The following VCPKMT variants were observed in gnomAD, a reference collection of about 807,000 sequenced individuals.
VCPKMT encodes valosin containing protein lysine methyltransferase.
VCPKMT carries 32 observed loss-of-function variants against 28.6 expected under a neutral mutation model. The ratio of observed to expected loss-of-function variants is 1.12; its 90% CI spans 0.84 to 1.50. VCPKMT has a LOEUF of 1.50. VCPKMT is among the 40% of genes most tolerant of loss of function. The probability of loss-of-function intolerance (pLI) is 0.00; values close to 1 mark genes in which losing one functional copy is unlikely to be tolerated. For synonymous variants in VCPKMT, 138 were observed against 111.4 expected, an observed-to-expected ratio of 1.24 and a Z score of -1.50; for missense variants, 366 against 285.0, an observed-to-expected ratio of 1.28 and a Z score of -2.05.
rs1395268249 is a variant in VCPKMT, at chr14:50,108,738, T to A, written c.*961A>T. On this transcript the variant is annotated 3_prime_UTR_variant, in exon 6 of 6. Transcript: ENST00000395860. Reference sequence around the variant, plus strand: ...CGGTTACTACTCTTTGGAACAAGTATGATTAAAGTCCTTGACAGATTATTG... The same window carrying A: ...CGGTTACTACTCTTTGGAACAAGTAAGATTAAAGTCCTTGACAGATTATTG... The A allele has an allele frequency of 7.3e-5, 72 of 985,872 alleles. No homozygotes were observed. Among genetic ancestry groups the A allele is most frequent in the Non-Finnish European group, 8.6e-5 (71 of 829,934 alleles). The allele number at this position is 985,872 out of a possible 1,614,324, so 61.1% of individuals were successfully genotyped here.
downstream of VCPKMT, among the ~76,000 whole-genome samples, chr14:50,107,979 A>T (rs778128311): frequency 5.9e-5 from 9 of 152,070 alleles, no homozygotes; most frequent in Non-Finnish European, 1.3e-4. Context: ...ACTTGGCTCC[A>T]GGAATTTGAG....
intron 3 of VCPKMT, among the ~76,000 whole-genome samples, chr14:50,115,484 A>G (rs1293195612): frequency 6.6e-6 from 1 of 152,222 alleles, no homozygotes; most frequent in Non-Finnish European, 1.5e-5. Flanking sequence ...ACAATGAATT[A>G]TTTATAACTT....
chr14:50,110,506 A>AAACT (rs1882566385), intron 5 of VCPKMT, among the ~76,000 whole-genome samples: 1 of 152,220 alleles, frequency 6.6e-6, no homozygotes. Context: ...ACCACAGTTT[A>AAACT]GAGACTATCT....
rs1883066086 is a variant in VCPKMT, at chr14:50,115,392, G to A, written c.450+447C>T. Among the ~76,000 whole-genome samples, 4 of 152,224 alleles carry A rather than the reference G, an allele frequency of 2.6e-5. No individual in the cohort carries two copies. In the South Asian group the frequency reaches 8.3e-4, roughly 32 times the overall value. On this transcript the variant is annotated intron_variant, in intron 3 of 5. Transcript: ENST00000395860. The stretch of plus-strand genomic sequence containing the variant: ...GTCTCGAACTCCCGACCTCAGGTGA[G>A]CCACCTGCCTTGACCTCCCAAGTGT...
At chr14:50,116,031 A>G in intron 2 of VCPKMT, 38 bp downstream of exon 2, 7 of 1,596,186 alleles carry the variant, frequency 4.4e-6, no homozygotes, top group Non-Finnish European at 6.0e-6. Flanking sequence ...ACAAACTACA[A>G]ATCAATATCT....
chr14:50,109,379 G>A lies in VCPKMT; in HGVS notation c.*320C>T, dbSNP rs1882484068. ...CCTGTAAAAGGTCCAGTCAAATCAT[G>A]TTGGCTGTTTTTGGCAGATTTCAGC... On this transcript the variant is annotated 3_prime_UTR_variant, in exon 6 of 6. Transcript: ENST00000395860. The A allele has an allele frequency of 1.8e-6, 2 of 1,085,266 alleles. No homozygotes were observed. Among genetic ancestry groups the A allele is most frequent in the Admixed American group, 1.0e-4 (2 of 19,238 alleles). The allele number at this position is 1,085,266 out of a possible 1,614,324, so 67.2% of individuals were successfully genotyped here. A position where few individuals can be genotyped will look rare whatever the true frequency, so the allele number is the denominator to read the frequency against.
At chr14:50,115,775 C>T in intron 3 of VCPKMT, 64 bp downstream of exon 3, 1 of 1,526,768 alleles carries the variant, frequency 6.5e-7, no homozygotes, top group East Asian at 2.3e-5. Flanking sequence ...GAAACGTGTG[C>T]TTTAGAATTC....
downstream of VCPKMT, among the ~76,000 whole-genome samples, chr14:50,108,153 C>T (rs1157081323): frequency 5.0e-5 from 7 of 140,504 alleles, no homozygotes; most frequent in East Asian, 2.1e-4. Flanking sequence ...TGTGCCACTA[C>T]TGCACTCCAG....
At chr14:50,106,032 C>G (rs750357557), downstream of VCPKMT, among the ~76,000 whole-genome samples, 5 of 151,950 alleles carry the variant, frequency 3.3e-5, no homozygotes, top group Non-Finnish European at 5.9e-5. Flanking sequence ...AGATGGTTTG[C>G]TTTTTATATA....
At chr14:50,104,447 T>C (rs917141270), downstream of VCPKMT, among the ~76,000 whole-genome samples, 1 of 152,228 alleles carries the variant, frequency 6.6e-6, no homozygotes, top group African/African-American at 2.4e-5. Flanking sequence ...TAATTTTCAG[T>C]AAGATATCGT....
At chr14:50,106,136 AC>A (rs1882311860), downstream of VCPKMT, among the ~76,000 whole-genome samples, 2 of 152,164 alleles carry the variant, frequency 1.3e-5, no homozygotes, top group South Asian at 4.1e-4. Context: ...TTTAAGGCAA[AC>A]ATTAAGACCA....
In VCPKMT at chr14:50,108,830, C is replaced by T. The variant is rs556716298; in HGVS notation, c.*869G>A. On this transcript the variant is annotated 3_prime_UTR_variant, in exon 6 of 6. Transcript: ENST00000395860. ...AGAACAGAAATTCATTTGGTATATA[C>T]ATATAGAACTACATTTGTAGTTATT... The T allele has an allele frequency of 2.2e-4, 217 of 985,406 alleles. No homozygotes were observed. Among genetic ancestry groups the T allele is most frequent in the South Asian group, 8.0e-4 (17 of 21,290 alleles). 61.0% of individuals were successfully genotyped at this position (985,406 alleles called of 1,614,324 possible). A position where few individuals can be genotyped will look rare whatever the true frequency, so the allele number is the denominator to read the frequency against.
chr14:50,108,500 T>C (rs1168235567), downstream of VCPKMT: 1 of 698,014 alleles, frequency 1.4e-6, no homozygotes, highest in Non-Finnish European at 1.8e-6. Flanking sequence ...CTTTTAAGAC[T>C]GAAATAAACC....
chr14:50,108,951 A>G lies in VCPKMT; in HGVS notation c.*748T>C, dbSNP rs1882455194. On this transcript the variant is annotated 3_prime_UTR_variant, in exon 6 of 6. Transcript: ENST00000395860. Reference sequence around the variant, plus strand: ...TAAAGTGCATGAGCCACGTAAGTGCATAAGCCTGAAACTGGTCTTTCTATT... The same window carrying G: ...TAAAGTGCATGAGCCACGTAAGTGCGTAAGCCTGAAACTGGTCTTTCTATT... 1.0e-5 allele frequency: 10 copies of G among 985,354 alleles called. No homozygotes were observed. The highest frequency in any genetic ancestry group is 5.2e-4 in the Middle Eastern group (1 of 1,936). The allele number at this position is 985,354 out of a possible 1,614,324, so 61.0% of individuals were successfully genotyped here.
In VCPKMT at chr14:50,115,677, T is replaced by C. The variant is rs147471403; in HGVS notation, c.450+162A>G. Among the ~76,000 whole-genome samples, 401 of 152,324 alleles carry C rather than the reference T, an allele frequency of 2.6e-3. 4 individuals carry two copies. The Middle Eastern group carries it at 0.061, about 23-fold the overall frequency. On this transcript the variant is annotated intron_variant, in intron 3 of 5. Coordinates refer to ENST00000395860, the MANE Select transcript of VCPKMT (RefSeq NM_024558.3). ...GGTCGGTATGATAATGATGAGCGTA[T>C]ATACATATGGTCCCTGGTGACTTTT...
downstream of VCPKMT, among the ~76,000 whole-genome samples, chr14:50,106,047 C>A (rs965027126): frequency 9.8e-5 from 14 of 143,538 alleles, no homozygotes; most frequent in Non-Finnish European, 1.6e-4. Context: ...TATATACTTT[C>A]TTCTTTCTTT....
intron 2 of VCPKMT, 30 bp downstream of exon 2, chr14:50,116,039 T>C: frequency 6.3e-7 from 1 of 1,597,572 alleles, no homozygotes; most frequent in Middle Eastern, 1.7e-4. Flanking sequence ...CAAATCAATA[T>C]CTTAAAACAA....
At chr14:50,116,011 G>T (rs1429467134) in intron 2 of VCPKMT, 58 bp downstream of exon 2, 2 of 1,591,648 alleles carry the variant, frequency 1.3e-6, no homozygotes, top group African/African-American at 1.4e-5. Context: ...TTAATGAAAC[G>T]CAATTCAAAA....
intron 5 of VCPKMT, among the ~76,000 whole-genome samples, chr14:50,110,377 T>C (rs891637760): frequency 5.9e-5 from 9 of 152,178 alleles, no homozygotes; most frequent in African/African-American, 2.2e-4. Flanking sequence ...ATTCAGAATG[T>C]ATAAGGAACT....
Sources: allele counts gnomAD v4.1 joint callset (sites outside exome capture counted in the v4.1 genomes callset), GRCh38; gene constraint gnomAD v4.1.1; transcripts MANE v1.5; gene names NCBI Gene and HGNC (gene_info 2026-07-23, HGNC 2026-07-21).